Variants in SUCO observed in about 807,000 individuals in gnomAD.
SUCO encodes the protein SUN domain-containing ossification factor.
A neutral mutation model predicts 148.1 loss-of-function variants in SUCO; 57 were observed. The observed-to-expected ratio is 0.38, with a 90% confidence interval of 0.31 to 0.48. SUCO has a LOEUF of 0.48. Ranked by LOEUF, SUCO falls within the 20% of genes least tolerant of loss-of-function variation. The pLI is 0.96. For synonymous variants in SUCO, 470 were observed against 502.7 expected (o/e 0.93, Z 0.87); for missense variants, 1,331 against 1,468.2 (o/e 0.91, Z 1.53).
At chr1:172,588,239 G>A (rs1656375612) in intron 17 of SUCO, 1 of 985,260 alleles carries the variant, frequency 1.0e-6, no homozygotes, top group Non-Finnish European at 1.2e-6. Context: ...AATTATGTTT[G>A]AGACCAACCT....
At chr1:172,600,696 ATGTGTGTGTGTGTG>A (rs61681764) in intron 20 of SUCO, among the ~76,000 whole-genome samples, 18 of 149,066 alleles carry the variant, frequency 1.2e-4, no homozygotes, top group Non-Finnish European at 1.5e-4. Context: ...AGAAAATTAA[ATGTGTGTGTGTGTG>A]TGTGTGTGTG....
chr1:172,577,329 A>G (rs1655521297), intron 11 of SUCO, among the ~76,000 whole-genome samples: 1 of 151,726 alleles, frequency 6.6e-6, no homozygotes, highest in South Asian at 2.1e-4. Flanking sequence ...CATTGCAATC[A>G]TTTAGATTAT....
chr1:172,579,249 C>T lies in SUCO; in HGVS notation c.1480C>T (p.Leu494Phe). 6.3e-7 allele frequency: 1 copy of T among 1,598,624 alleles called. No individual in the cohort carries two copies. Among genetic ancestry groups the T allele is most frequent in the Non-Finnish European group, 8.6e-7 (1 of 1,167,872 alleles). ...NTGEDKSSKNLLGSATNAILN... is the reference protein window; with the variant it reads ...NTGEDKSSKNFLGSATNAILN... The stretch of plus-strand genomic sequence containing the variant: ...TGGAGAGGATAAATCCTCAAAAAAT[C>T]TTCTTGGTTCTGCTACAAGTGAGTA... Residue 494 changes from leucine to phenylalanine, a missense_variant, in exon 15 of 24, where the codon CTT (leucine) becomes TTT (phenylalanine). Physicochemically the swap from Leu to Phe is conservative, Grantham distance 22. This residue lies in a region of SUCO where 992 missense variants were observed against 1,093.5 expected (regional missense o/e 0.91). Coordinates refer to ENST00000263688, the MANE Select transcript of SUCO (RefSeq NM_014283.5).
Position 172,533,206 on chromosome 1 carries a change from G to T in SUCO, c.-230G>T. On this transcript the variant is annotated 5_prime_UTR_variant, in exon 1 of 24. Coordinates refer to ENST00000263688, the MANE Select transcript of SUCO (RefSeq NM_014283.5). ...GCGTGGACGAGCCGGTGGCTGCAGC[G>T]GCGGCGGTCCCCGGAGTCCTGTGAA... 6.6e-7 allele frequency: 1 copy of T among 1,517,704 alleles called. No homozygotes were observed. Among genetic ancestry groups the T allele is most frequent in the Non-Finnish European group, 8.8e-7 (1 of 1,132,766 alleles). The allele number at this position is 1,517,704 out of a possible 1,614,324, so 94.0% of individuals were successfully genotyped here.
chr1:172,598,424 A>G (rs1267396717), intron 19 of SUCO, among the ~76,000 whole-genome samples: 1 of 152,148 alleles, frequency 6.6e-6, no homozygotes, highest in African/African-American at 2.4e-5. Flanking sequence ...TGGCTGTAGT[A>G]GTTTTTTGCG....
intron 1 of SUCO, among the ~76,000 whole-genome samples, chr1:172,550,545 A>G (rs1490712107): frequency 1.3e-5 from 2 of 151,906 alleles, no homozygotes; most frequent in Non-Finnish European, 2.9e-5. Context: ...ATGCAGATAC[A>G]CTCATTGTTT....
At chr1:172,609,659 A>G (rs375915385) in intron 23 of SUCO, 157 bp from the exon 24 acceptor site, 69 of 984,808 alleles carry the variant, frequency 7.0e-5, no homozygotes, top group African/African-American at 7.0e-4. Context: ...GCTAGTATCT[A>G]TATAGAACAT....
At chr1:172,532,583 A>C (rs376260736), upstream of SUCO, 2 of 1,613,924 alleles carry the variant, frequency 1.2e-6, no homozygotes, top group East Asian at 2.2e-5. Flanking sequence ...CACAACACAC[A>C]CGTCATTCTA....
intron 22 of SUCO, among the ~76,000 whole-genome samples, chr1:172,607,842 TTCTC>T (rs1274639466): frequency 2.0e-5 from 3 of 151,964 alleles, no homozygotes; most frequent in East Asian, 1.9e-4. Context: ...TTTGATGACT[TTCTC>T]AATAAATCTC....
intron 6 of SUCO, among the ~76,000 whole-genome samples, chr1:172,568,172 A>G (rs1434624774): frequency 6.6e-6 from 1 of 152,228 alleles, no homozygotes. Context: ...ACTGTTTTCC[A>G]TGAAACTGGT....
chr1:172,610,468 G>A lies in SUCO; in HGVS notation c.*209G>A. ...TACAAAGCTGATCACTTCCTATAAG[G>A]ACAATGGTAGACATTTTATAAAGAT... is the stretch of plus-strand genomic sequence containing the variant. On this transcript the variant is annotated 3_prime_UTR_variant, in exon 24 of 24. Transcript: ENST00000263688. 1.7e-6 allele frequency: 1 copy of A among 571,472 alleles called. No individual in the cohort carries two copies. The highest frequency in any genetic ancestry group is 2.7e-6 in the Non-Finnish European group (1 of 375,000). The allele number at this position is 571,472 out of a possible 1,614,324, so 35.4% of individuals were successfully genotyped here. A position where few individuals can be genotyped will look rare whatever the true frequency, so the allele number is the denominator to read the frequency against.
intron 1 of SUCO, among the ~76,000 whole-genome samples, chr1:172,539,141 A>C (rs1652250105): frequency 6.6e-6 from 1 of 152,236 alleles, no homozygotes; most frequent in East Asian, 1.9e-4. Flanking sequence ...TGAATGGAGA[A>C]AAGAATCAAT....
chr1:172,583,768 A>G (rs573595575), intron 15 of SUCO, among the ~76,000 whole-genome samples: 1 of 152,160 alleles, frequency 6.6e-6, no homozygotes, highest in Non-Finnish European at 1.5e-5. Context: ...CTTCTAGTGG[A>G]ATTTCAAAGG....
At chr1:172,539,843 C>T (rs1652313589) in intron 1 of SUCO, among the ~76,000 whole-genome samples, 1 of 152,136 alleles carries the variant, frequency 6.6e-6, no homozygotes, top group African/African-American at 2.4e-5. Context: ...TGATTATTCA[C>T]AATGTATTTG....
At chr1:172,601,984 G>A (rs1363702763) in intron 20 of SUCO, 80 bp from the exon 21 acceptor site, 3 of 1,342,412 alleles carry the variant, frequency 2.2e-6, no homozygotes, top group Non-Finnish European at 3.0e-6. Context: ...AAAATGATTT[G>A]TCCTTTGAAT....
At chr1:172,549,045 A>G (rs959018956) in intron 1 of SUCO, among the ~76,000 whole-genome samples, 1 of 151,882 alleles carries the variant, frequency 6.6e-6, no homozygotes, top group African/African-American at 2.4e-5. Flanking sequence ...TTTTACTCAT[A>G]GATAATAAAT....
intron 19 of SUCO, among the ~76,000 whole-genome samples, chr1:172,593,895 T>C (rs952009524): frequency 6.6e-6 from 1 of 152,188 alleles, no homozygotes; most frequent in Non-Finnish European, 1.5e-5. Flanking sequence ...TCTGTGAATC[T>C]GTCTGGTCCT....
At chr1:172,594,702 A>G (rs905771170) in intron 19 of SUCO, among the ~76,000 whole-genome samples, 1 of 152,174 alleles carries the variant, frequency 6.6e-6, no homozygotes, top group Non-Finnish European at 1.5e-5. Flanking sequence ...ACCTCCAGCT[A>G]TGTGGTCAAT....
chr1:172,553,317 C>A lies in SUCO; in HGVS notation c.235C>A (p.Pro79Thr). The change falls in exon 3 of 24, where the codon CCT (proline) becomes ACT (threonine). Residue 79 changes from proline (P) to threonine (T), a missense_variant. This residue lies in a region of SUCO where 992 missense variants were observed against 1,093.5 expected (regional missense o/e 0.91). Transcript: ENST00000263688. ...ATTGGGAAAATCAGGTTCAAATTTA[C>A]CTATTTCTCCAAAAGAACATAAATT... ...ESLGKSGSNLPISPKEHKLKD... is the reference protein window; with the variant it reads ...ESLGKSGSNLTISPKEHKLKD... 1 of 1,604,426 alleles carries A rather than the reference C, an allele frequency of 6.2e-7. No homozygotes were observed. The highest frequency in any genetic ancestry group is 1.3e-5 in the African/African-American group (1 of 74,772).
Sources: gnomAD v4.1 joint callset for allele counts (sites outside exome capture counted in the v4.1 genomes callset) on GRCh38, gnomAD v4.1.1 for gene constraint, gnomAD v4.1.1 regional missense constraint, MANE v1.5 for transcripts, NCBI Gene and HGNC (gene_info 2026-07-23, HGNC 2026-07-21) for gene names.